Variants in EYS observed in about 807,000 individuals in gnomAD.
EYS encodes the protein EGF-like photoreceptor maintenance factor.
EYS carries 250 observed loss-of-function variants against 282.1 expected under a neutral mutation model. The ratio of observed to expected loss-of-function variants is 0.89; its 90% CI spans 0.80 to 0.98. EYS has a LOEUF of 0.98. EYS is among the 50% of genes least tolerant of loss of function. The pLI is 0.00. For synonymous variants in EYS, 1,355 were observed against 1,282.9 expected (o/e 1.06, Z -1.20); for missense variants, 4,016 against 3,709.0 (o/e 1.08, Z -2.15).
intron 22 of EYS, among the ~76,000 whole-genome samples, chr6:64,782,443 T>C (rs1773890011): frequency 6.6e-6 from 1 of 152,192 alleles, no homozygotes; most frequent in South Asian, 2.1e-4. Flanking sequence ...AAAATGAACA[T>C]GGAAATATCT....
chr6:65,530,290 C>T (rs1243046605), intron 2 of EYS, among the ~76,000 whole-genome samples: 1 of 152,160 alleles, frequency 6.6e-6, no homozygotes, highest in Non-Finnish European at 1.5e-5. Flanking sequence ...ACTCTAAATT[C>T]ACATACTCTT....
Position 65,539,338 on chromosome 6 carries a change from A to G in EYS, c.-332-43345T>C, listed in dbSNP as rs539260367. Among the ~76,000 whole-genome samples the G allele has an allele frequency of 5.3e-5, 8 of 152,316 alleles. No individual in the cohort carries two copies. In the East Asian group the frequency reaches 1.3e-3, roughly 26 times the overall value. On this transcript the variant is annotated intron_variant, in intron 2 of 42. Transcript: ENST00000503581. ...GTTCCTTACTTTGATTTAAATTATA[A>G]CACTACATAAGCCAAAGACATAGTT...
At chr6:63,728,969 T>G (rs1204675759) in intron 41 of EYS, among the ~76,000 whole-genome samples, 1 of 152,194 alleles carries the variant, frequency 6.6e-6, no homozygotes, top group African/African-American at 2.4e-5. Flanking sequence ...AGAGTTCCTA[T>G]TGTTCCATAT....
intron 35 of EYS, among the ~76,000 whole-genome samples, 176 bp downstream of exon 35, chr6:63,984,207 T>C (rs758821216): frequency 2.9e-4 from 44 of 151,756 alleles, no homozygotes; most frequent in Non-Finnish European, 2.2e-4. Flanking sequence ...TATATACATT[T>C]CTTTGGACAA....
intron 5 of EYS, among the ~76,000 whole-genome samples, chr6:65,485,527 G>C (rs1765753238): frequency 6.6e-6 from 1 of 152,232 alleles, no homozygotes; most frequent in Non-Finnish European, 1.5e-5. Context: ...AGCTTTGGCT[G>C]TGCGTGGTGG....
At chr6:63,739,785 C>T (rs535228977) in intron 41 of EYS, among the ~76,000 whole-genome samples, 1 of 152,120 alleles carries the variant, frequency 6.6e-6, no homozygotes, top group South Asian at 2.1e-4. Flanking sequence ...CCTCTACATC[C>T]TGCGTTCAAG....
intron 35 of EYS, among the ~76,000 whole-genome samples, chr6:63,881,807 A>G (rs1027763242): frequency 6.6e-6 from 1 of 152,164 alleles, no homozygotes; most frequent in Non-Finnish European, 1.5e-5. Context: ...ATCTTGGTTT[A>G]TATTAGTTGT....
intron 1 of EYS, among the ~76,000 whole-genome samples, chr6:65,663,519 C>T (rs1471906558): frequency 1.3e-5 from 2 of 152,170 alleles, no homozygotes; most frequent in African/African-American, 4.8e-5. Flanking sequence ...AATATACCAA[C>T]TTGGACTTAT....
At chr6:65,628,836 G>C (rs565926539) in intron 2 of EYS, among the ~76,000 whole-genome samples, 2 of 152,234 alleles carry the variant, frequency 1.3e-5, no homozygotes, top group East Asian at 3.9e-4. Context: ...CTTGAAGTCA[G>C]TGAGACCAAG....
chr6:64,744,820 T>TA (rs1161506135), intron 22 of EYS, among the ~76,000 whole-genome samples: 2 of 152,224 alleles, frequency 1.3e-5, no homozygotes, highest in South Asian at 2.1e-4. Context: ...TGCGAATTGC[T>TA]AAAAAAATAA....
chr6:65,105,469 A>G (rs1775009128), intron 12 of EYS, among the ~76,000 whole-genome samples: 1 of 151,924 alleles, frequency 6.6e-6, no homozygotes, highest in Admixed American at 6.6e-5. Context: ...CCTAAAGGAA[A>G]CATAAACATG....
At chr6:65,581,245 C>T (rs897666130) in intron 2 of EYS, among the ~76,000 whole-genome samples, 1 of 151,798 alleles carries the variant, frequency 6.6e-6, no homozygotes, top group Non-Finnish European at 1.5e-5. Flanking sequence ...AAAAGTGGCT[C>T]ATGTAGACTA....
At chr6:65,317,848 T>TTCTTTC (rs1769349332) in intron 11 of EYS, among the ~76,000 whole-genome samples, 1 of 47,890 alleles carries the variant, frequency 2.1e-5, no homozygotes, top group Non-Finnish European at 4.0e-5. Flanking sequence ...CTTTCTTTCT[T>TTCTTTC]TCTTTCTTTC....
chr6:64,400,174 T>C (rs757361502), intron 28 of EYS: 3 of 152,042 alleles, frequency 2.0e-5, no homozygotes, highest in Non-Finnish European at 4.4e-5. Context: ...AGAATTTCTA[T>C]TCATTGTCAC....
At chr6:64,345,925 T>C (rs371013190) in intron 29 of EYS, among the ~76,000 whole-genome samples, 8 of 152,082 alleles carry the variant, frequency 5.3e-5, no homozygotes, top group Non-Finnish European at 1.2e-4. Context: ...AGAAGACATT[T>C]ATGCAGCCAA....
In EYS at chr6:64,791,420, A is replaced by G. The variant is rs1284348350; in HGVS notation, c.3443+21958T>C. Among the ~76,000 whole-genome samples, 6 of 152,030 alleles carry G rather than the reference A, an allele frequency of 3.9e-5. No homozygotes were observed. The East Asian group carries it at 1.2e-3, about 29-fold the overall frequency. On this transcript the variant is annotated intron_variant, in intron 22 of 42. Coordinates refer to ENST00000503581, the MANE Select transcript of EYS (RefSeq NM_001142800.2). ...AAGGGCATCAAGCACAATGTACCAT[A>G]AAGCTGTTTAACTTCTCCTTAATTG...
intron 2 of EYS, among the ~76,000 whole-genome samples, chr6:65,542,610 C>A (rs1025747102): frequency 6.6e-6 from 1 of 151,668 alleles, no homozygotes; most frequent in Non-Finnish European, 1.5e-5. Flanking sequence ...CGGTCATATT[C>A]CAAATTCCAT....
chr6:65,501,403 C>A (rs980263666), intron 2 of EYS, among the ~76,000 whole-genome samples: 20 of 151,726 alleles, frequency 1.3e-4, no homozygotes, highest in African/African-American at 4.8e-4. Context: ...TTTCCTATCT[C>A]TTAACAGAGA....
chr6:64,089,661 G>C (rs1332989655), intron 31 of EYS, among the ~76,000 whole-genome samples: 1 of 151,750 alleles, frequency 6.6e-6, no homozygotes, highest in African/African-American at 2.4e-5. Context: ...CTTCACATTA[G>C]ACATTCACAT....
Sources: allele counts gnomAD v4.1 joint callset (sites outside exome capture counted in the v4.1 genomes callset), GRCh38; gene constraint gnomAD v4.1.1; transcripts MANE v1.5; gene names NCBI Gene and HGNC (gene_info 2026-07-23, HGNC 2026-07-21).